The following DYNC1H1 variants were observed in gnomAD, a reference collection of about 807,000 sequenced individuals.
DYNC1H1 encodes the protein cytoplasmic dynein 1 heavy chain 1.
Under a neutral mutation model 527.1 loss-of-function variants are expected in DYNC1H1, and 51 were observed. The observed-to-expected ratio is 0.10, with a 90% CI of 0.08 to 0.12. The LOEUF (loss-of-function observed/expected upper bound fraction) is 0.12. DYNC1H1 is among the 10% of genes least tolerant of loss of function. The pLI is 1.00. For missense variants in DYNC1H1, 2,771 were observed against 5,971.8 expected (o/e 0.46, Z 17.66); for synonymous variants, 2,189 against 2,278.8 (o/e 0.96, Z 1.12).
intron 62 of DYNC1H1, 55 bp from the exon 63 acceptor site, chr14:102,040,181 G>A (rs2048629218): frequency 5.0e-6 from 8 of 1,605,514 alleles, no homozygotes; most frequent in Middle Eastern, 1.7e-4. Context: ...TGTTATCTTA[G>A]TGACAGTGGG....
In DYNC1H1 at chr14:101,965,568, A is replaced by G. The variant is rs1474932746; in HGVS notation, c.256+621A>G. On this transcript the variant is annotated intron_variant, in intron 1 of 77. Transcript: ENST00000360184. This position sits in a 1 kb window ranked among gnomAD's most constrained non-coding sequence, Gnocchi z 4.1. The stretch of plus-strand genomic sequence containing the variant: ...TGCCAGCCCCGGGCCTGCGAGCATC[A>G]CTGTTGTAGGTGGATGCTCTCACAG... Among the ~76,000 whole-genome samples, 1 of 152,038 alleles carries G rather than the reference A, an allele frequency of 6.6e-6. No homozygotes were observed. The highest frequency in any genetic ancestry group is 1.5e-5 in the Non-Finnish European group (1 of 68,000).
chr14:102,011,931 C>G lies in DYNC1H1; in HGVS notation c.6675C>G (p.Pro2225=), dbSNP rs1318206106. 6.2e-7 allele frequency: 1 copy of G among 1,614,098 alleles called. No homozygotes were observed. Among genetic ancestry groups the G allele is most frequent in the Non-Finnish European group, 8.5e-7 (1 of 1,180,028 alleles). ...ATCATGGCCTGATGATGGTGGGGCC[C>G]TCGGGAAGTGGGAAGAGCATGGCCT... ...QINHGLMMVG[P]SGSGKSMAWR... is the part of the protein sequence containing the mutation. Residue 2225 remains proline (P), a synonymous_variant, in exon 33 of 78, where the codon CCC becomes CCG. Transcript: ENST00000360184. This position sits in a 1 kb window ranked among gnomAD's most constrained non-coding sequence, Gnocchi z 5.3.
chr14:101,995,393 C>T lies in DYNC1H1; in HGVS notation c.3564+93C>T, dbSNP rs563743622. ...TTGGGAGGCCGAGGCGGGCGGATCA[C>T]GAGGTCAGGAGATCGAGACCATCCT... On this transcript the variant is annotated intron_variant, in intron 15 of 77. Transcript: ENST00000360184. The T allele has an allele frequency of 4.2e-5, 62 of 1,493,302 alleles. No individual in the cohort carries two copies. In the South Asian group the frequency reaches 5.1e-4, roughly 12 times the overall value. The allele number at this position is 1,493,302 out of a possible 1,614,324, so 92.5% of individuals were successfully genotyped here.
Position 101,995,090 on chromosome 14 carries a change from C to T in DYNC1H1, c.3438C>T (p.Ile1146=). Residue 1146 remains isoleucine, a synonymous_variant, in exon 14 of 78, where the codon ATC becomes ATT. Transcript: ENST00000360184. The part of the protein sequence containing the change: ...GSNMTEFHSQ[I]SKSRQELEQH... ...ACATGACGGAATTCCATTCCCAGAT[C>T]TCAAAGGTGAGGACATAGGATTCTG... is the stretch of plus-strand genomic sequence containing the variant. 4 of 1,614,186 alleles carry T rather than the reference C, an allele frequency of 2.5e-6. No individual in the cohort carries two copies. The highest frequency in any genetic ancestry group is 3.4e-6 in the Non-Finnish European group (4 of 1,180,036).
Position 102,001,406 on chromosome 14 carries a change from T to C in DYNC1H1, c.4395+52T>C. ...TTACGTTGTGTTTCGGGCTGTTACATAGATCTGAGCTATGTAAAAATGGAG... is the reference window on the plus strand; with the variant it reads ...TTACGTTGTGTTTCGGGCTGTTACACAGATCTGAGCTATGTAAAAATGGAG... On this transcript the variant is annotated intron_variant, in intron 20 of 77. Coordinates refer to ENST00000360184, the MANE Select transcript of DYNC1H1 (RefSeq NM_001376.5). This position sits in a 1 kb window ranked among gnomAD's most constrained non-coding sequence, Gnocchi z 5.0. 1 of 1,613,398 alleles carries C rather than the reference T, an allele frequency of 6.2e-7. No homozygotes were observed. The highest frequency in any genetic ancestry group is 8.5e-7 in the Non-Finnish European group (1 of 1,179,432).
Position 102,046,831 on chromosome 14 carries a change from C to G in DYNC1H1, c.13007-986C>G, listed in dbSNP as rs185267437. 7.1e-4 allele frequency among the ~76,000 whole-genome samples: 106 copies of G among 149,904 alleles called. 3 individuals are homozygous for G. Among genetic ancestry groups the G allele is most frequent in the African/African-American group, 2.5e-3 (102 of 40,480 alleles). On this transcript the variant is annotated intron_variant, in intron 72 of 77. Transcript: ENST00000360184. ...TTTTTTGCTTTGAGACTGAGTCTTG[C>G]TCTGTCACTCAGACTGGAGTGCAGT...
chr14:101,983,543 G>A lies in DYNC1H1; in HGVS notation c.1395G>A (p.Gln465=), dbSNP rs747183743. ...AHRKLQARLD[Q]MRKFRRQHEQ... is the part of the protein sequence containing the mutation. ...GGAAGCTGCAGGCCCGCCTTGACCA[G>A]ATGAGAAAATTTAGACGCCAGCATG... The change falls in exon 7 of 78, where the codon CAG becomes CAA. Residue 465 remains glutamine (Q), a synonymous_variant. Coordinates refer to ENST00000360184, the MANE Select transcript of DYNC1H1 (RefSeq NM_001376.5). This position sits in a 1 kb window ranked among gnomAD's most constrained non-coding sequence, Gnocchi z 5.3. The A allele has an allele frequency of 3.7e-6, 6 of 1,614,082 alleles. No individual in the cohort carries two copies. The highest frequency in any genetic ancestry group is 4.2e-6 in the Non-Finnish European group (5 of 1,180,054).
intron 2 of DYNC1H1, among the ~76,000 whole-genome samples, chr14:101,978,619 T>G (rs2047828732): frequency 6.6e-6 from 1 of 152,194 alleles, no homozygotes; most frequent in African/African-American, 2.4e-5. Flanking sequence ...CACAAAGAAA[T>G]AAAACCTGCT....
Position 102,011,085 on chromosome 14 carries a change from A to G in DYNC1H1, c.6618+133A>G. On this transcript the variant is annotated intron_variant, in intron 32 of 77. Transcript: ENST00000360184. The surrounding 1 kb of genome is among the most constrained non-coding windows in gnomAD (Gnocchi z 5.3). Reference sequence around the variant, plus strand: ...GAGGTGCATAATATGCTTTATGAAGATTTGCCCAAGGCCTATTTGAATTTT... The same window carrying G: ...GAGGTGCATAATATGCTTTATGAAGGTTTGCCCAAGGCCTATTTGAATTTT... 1.0e-6 allele frequency: 1 copy of G among 989,834 alleles called. No individual in the cohort carries two copies. The highest frequency in any genetic ancestry group is 1.6e-6 in the Non-Finnish European group (1 of 629,110). The allele number at this position is 989,834 out of a possible 1,614,324, so 61.3% of individuals were successfully genotyped here. A position where few individuals can be genotyped will look rare whatever the true frequency, so the allele number is the denominator to read the frequency against.
In DYNC1H1 at chr14:102,039,245, C is replaced by G; in HGVS notation, c.11451C>G (p.Ser3817=). 1 of 1,613,516 alleles carries G rather than the reference C, an allele frequency of 6.2e-7. No homozygotes were observed. The highest frequency in any genetic ancestry group is 8.5e-7 in the Non-Finnish European group (1 of 1,180,038). Residue 3817 remains serine, a synonymous_variant, in exon 60 of 78, where the codon TCC becomes TCG. Coordinates refer to ENST00000360184, the MANE Select transcript of DYNC1H1 (RefSeq NM_001376.5). This position sits in a 1 kb window ranked among gnomAD's most constrained non-coding sequence, Gnocchi z 7.0. ...GCAGCATCTACTTCACCATGGAGTC[C>G]CTCAAGCAGGTGGGTGCCTTGGCCA... ...ACSSIYFTME[S]LKQIHFLYQY...
chr14:102,031,570 C>A (rs1045920976), intron 51 of DYNC1H1, among the ~76,000 whole-genome samples: 1 of 152,112 alleles, frequency 6.6e-6, no homozygotes, highest in African/African-American at 2.4e-5. Context: ...CTTTACGCAT[C>A]CCTCTAAATT....
rs372462176 is a variant in DYNC1H1 at position 102,004,759 on chromosome 14, C to T, written c.5050-3C>T. ...TCATTTCTTAAAATTGTATTTATTT[C>T]AGGTTATGTTTAAAACTCCTGTGTC... is the stretch of plus-strand genomic sequence containing the variant. On this transcript the variant is annotated splice_region_variant and splice_polypyrimidine_tract_variant and intron_variant, in intron 24 of 77. Coordinates refer to ENST00000360184, the MANE Select transcript of DYNC1H1 (RefSeq NM_001376.5). The T allele has an allele frequency of 3.2e-5, 51 of 1,613,986 alleles. No individual in the cohort carries two copies. The African/African-American group carries it at 5.5e-4, about 17-fold the overall frequency.
In DYNC1H1 at chr14:102,038,130, A is replaced by AGCTG; in HGVS notation, c.10909-330_10909-329insGCTG. 2.6e-6 allele frequency: 1 copy of AGCTG among 378,844 alleles called. No individual in the cohort carries two copies. 23.5% of individuals were successfully genotyped at this position (378,844 alleles called of 1,614,324 possible). A position where few individuals can be genotyped will look rare whatever the true frequency, so the allele number is the denominator to read the frequency against. On this transcript the variant is annotated intron_variant, in intron 57 of 77. Coordinates refer to ENST00000360184, the MANE Select transcript of DYNC1H1 (RefSeq NM_001376.5). This position sits in a 1 kb window ranked among gnomAD's most constrained non-coding sequence, Gnocchi z 7.2. The stretch of plus-strand genomic sequence containing the variant: ...GTAGCTGGGACTACAGGCATGTGCC[A>AGCTG]TACACCCCCAGCTAACTTTCGTATT...
chr14:102,043,056 C>T (rs896125336), intron 69 of DYNC1H1: 2 of 393,144 alleles, frequency 5.1e-6, no homozygotes, highest in South Asian at 2.1e-5. Flanking sequence ...CTGAGGTGGG[C>T]AGATCACTTG....
At chr14:101,999,539 G>A (rs2048106576) in intron 16 of DYNC1H1, among the ~76,000 whole-genome samples, 1 of 152,204 alleles carries the variant, frequency 6.6e-6, no homozygotes, top group Non-Finnish European at 1.5e-5. Context: ...GTATGCAAAT[G>A]GTAGTGTTAA....
intron 69 of DYNC1H1, 128 bp from the exon 70 acceptor site, chr14:102,043,747 T>C (rs972867455): frequency 4.4e-5 from 58 of 1,309,948 alleles, no homozygotes; most frequent in Non-Finnish European, 6.2e-5. Flanking sequence ...GCAGTACTCA[T>C]GTGAATCTGC....
intron 10 of DYNC1H1, among the ~76,000 whole-genome samples, chr14:101,989,372 G>A (rs2047970872): frequency 6.6e-6 from 1 of 152,210 alleles, no homozygotes; most frequent in African/African-American, 2.4e-5. Flanking sequence ...GAAGAAGGTG[G>A]CAACACAGTG....
At chr14:102,025,073 C>T (rs1450280761) in intron 43 of DYNC1H1, among the ~76,000 whole-genome samples, 7 of 151,890 alleles carry the variant, frequency 4.6e-5, no homozygotes, top group Admixed American at 2.6e-4. Context: ...CAGTGGCTCA[C>T]GCCTGTAATC....
At position 102,006,225 on chromosome 14, in the gene DYNC1H1, A is replaced by G. The variant is rs537943941; in HGVS notation, c.5716+55A>G. On this transcript the variant is annotated intron_variant, in intron 27 of 77. Coordinates refer to ENST00000360184, the MANE Select transcript of DYNC1H1 (RefSeq NM_001376.5). ...GAATCATATATTAAAATGTTTAAAG[A>G]TAAAGCTAATGATTTGAATGTACTT... 24 of 1,601,586 alleles carry G rather than the reference A, an allele frequency of 1.5e-5. No individual in the cohort carries two copies. The Admixed American group carries it at 4.0e-4, about 27-fold the overall frequency.
Sources: allele counts gnomAD v4.1 joint callset (sites outside exome capture counted in the v4.1 genomes callset), GRCh38; gene constraint gnomAD v4.1.1; non-coding constraint Gnocchi (gnomAD v3.1); transcripts MANE v1.5; gene names NCBI Gene and HGNC (gene_info 2026-07-23, HGNC 2026-07-21).